ABCA13: variants seen among roughly 807,000 people sequenced by gnomAD.
ABCA13 encodes the protein ATP-binding cassette sub-family A member 13.
In ABCA13, 476 loss-of-function variants were observed where a neutral mutation model predicts 478.7. The observed-to-expected ratio is 0.99, with a 90% CI of 0.92 to 1.07. The LOEUF is 1.07. ABCA13 is among the 50% of genes least tolerant of loss of function. The pLI is 0.00. For missense variants in ABCA13, 6,060 were observed against 5,910.6 expected (o/e 1.03, Z -0.83); for synonymous variants, 2,252 against 2,158.9 (o/e 1.04, Z -1.20).
chr7:48,449,371 C>G (rs1301476434), intron 42 of ABCA13, among the ~76,000 whole-genome samples: 1 of 151,586 alleles, frequency 6.6e-6, no homozygotes, highest in Non-Finnish European at 1.5e-5. Context: ...TTTATTGGCT[C>G]TCTACTTGGG....
chr7:48,307,549 C>T (rs1028556910), intron 23 of ABCA13, among the ~76,000 whole-genome samples: 1 of 152,012 alleles, frequency 6.6e-6, no homozygotes, highest in African/African-American at 2.4e-5. Flanking sequence ...ATGTGCAGGC[C>T]TAGGACATGC....
chr7:48,412,636 C>G (rs1196268363), intron 41 of ABCA13, 53 bp downstream of exon 41: 3 of 1,452,328 alleles, frequency 2.1e-6, no homozygotes, highest in Admixed American at 4.2e-5. Context: ...TTGACCAGTC[C>G]ACATTAAATG....
At chr7:48,312,010 A>C (rs1801851240) in intron 24 of ABCA13, among the ~76,000 whole-genome samples, 1 of 152,194 alleles carries the variant, frequency 6.6e-6, no homozygotes, top group Non-Finnish European at 1.5e-5. Context: ...TGCAATTAGA[A>C]AGATGAGTAG....
rs575677789 is a variant in ABCA13, at chr7:48,351,246, T to C, written c.10381+427T>C. 2.7e-4 allele frequency among the ~76,000 whole-genome samples: 41 copies of C among 152,394 alleles called. 1 individual carries two copies. Among genetic ancestry groups the C allele is most frequent in the African/African-American group, 8.9e-4 (37 of 41,600 alleles). The stretch of plus-strand genomic sequence containing the variant: ...GGGCGGAGAGCAGGCAATGGCCAAC[T>C]CTGCTCCATTATTTAATTGTTCACC... On this transcript the variant is annotated intron_variant, in intron 30 of 61. Coordinates refer to ENST00000435803, the MANE Select transcript of ABCA13 (RefSeq NM_152701.5).
At chr7:48,287,058 C>T (rs990330624) in intron 19 of ABCA13, among the ~76,000 whole-genome samples, 1 of 151,866 alleles carries the variant, frequency 6.6e-6, no homozygotes, top group Non-Finnish European at 1.5e-5. Flanking sequence ...GGTGAGCACA[C>T]AGGCATCTGC....
chr7:48,276,117 A>C lies in ABCA13; in HGVS notation c.6451A>C (p.Asn2151His), dbSNP rs749966963. The C allele has an allele frequency of 2.5e-6, 4 of 1,598,280 alleles. No individual in the cohort carries two copies. ...AGAAACATTATTCATTCCTGTGACC[A>C]ATGAGAGTTCAACTGAAGATATAGC... ...MIETLFIPVT[N>H]ESSTEDIALL... The change falls in exon 17 of 62, where the codon AAT becomes CAT. Residue 2151 changes from asparagine to histidine, a missense_variant. This residue lies in a region of ABCA13 where 4,423 missense variants were observed against 4,309.1 expected (regional missense o/e 1.03). Coordinates refer to ENST00000435803, the MANE Select transcript of ABCA13 (RefSeq NM_152701.5).
At chr7:48,428,461 G>T (rs533604421) in intron 42 of ABCA13, among the ~76,000 whole-genome samples, 193 of 152,264 alleles carry the variant, frequency 1.3e-3, no homozygotes, top group Non-Finnish European at 1.2e-3. Flanking sequence ...ACTCAGCAAG[G>T]ATCCCTGAGC....
chr7:48,394,509 C>A (rs527584272), intron 38 of ABCA13, among the ~76,000 whole-genome samples: 1 of 152,294 alleles, frequency 6.6e-6, no homozygotes, highest in African/African-American at 2.4e-5. Flanking sequence ...TCCTGAGTCC[C>A]CTCTATTTCT....
intron 59 of ABCA13, among the ~76,000 whole-genome samples, chr7:48,617,176 T>G (rs1368518770): frequency 6.6e-6 from 1 of 152,176 alleles, no homozygotes; most frequent in Admixed American, 6.5e-5. Context: ...TAACAATAAC[T>G]AGATTTTTCA....
At chr7:48,481,752 C>T (rs942365611) in intron 46 of ABCA13, among the ~76,000 whole-genome samples, 7 of 151,910 alleles carry the variant, frequency 4.6e-5, no homozygotes, top group African/African-American at 1.7e-4. Flanking sequence ...AGGTGATCCT[C>T]CCGCCTCAGG....
chr7:48,186,450 A>G (rs1187358493), intron 1 of ABCA13, among the ~76,000 whole-genome samples: 1 of 152,038 alleles, frequency 6.6e-6, no homozygotes, highest in Non-Finnish European at 1.5e-5. Flanking sequence ...TCTTGAATTG[A>G]TATTGAGATA....
chr7:48,321,570 T>C (rs1450108064), intron 27 of ABCA13, among the ~76,000 whole-genome samples: 4 of 152,158 alleles, frequency 2.6e-5, no homozygotes, highest in African/African-American at 7.2e-5. Context: ...AGAGGAAGGA[T>C]ACCTGAATTA....
chr7:48,402,199 A>G (rs572338916), intron 38 of ABCA13, among the ~76,000 whole-genome samples: 1 of 152,330 alleles, frequency 6.6e-6, no homozygotes, highest in South Asian at 2.1e-4. Context: ...CCAATGGAAG[A>G]AATGAAGAAG....
At chr7:48,187,240 T>TGATTTTCTTCTC (rs1796483414) in intron 1 of ABCA13, among the ~76,000 whole-genome samples, 1 of 150,790 alleles carries the variant, frequency 6.6e-6, no homozygotes, top group African/African-American at 2.4e-5. Context: ...AAGGCCAGAC[T>TGATTTTCTTCTC]GATTTTCTTC....
At position 48,303,379 on chromosome 7, in the gene ABCA13, C is replaced by A. The variant is rs564818892; in HGVS notation, c.9321+4892C>A. Among the ~76,000 whole-genome samples, 10 of 152,252 alleles carry A rather than the reference C, an allele frequency of 6.6e-5. 1 individual carries two copies. In the South Asian group the frequency reaches 1.9e-3, roughly 28 times the overall value. ...TCAATTTTTGCTTTTCTTGAGTTTGCTTCTGGCATCTTCATCATGAAGTCT... is the reference window on the plus strand; with the variant it reads ...TCAATTTTTGCTTTTCTTGAGTTTGATTCTGGCATCTTCATCATGAAGTCT... On this transcript the variant is annotated intron_variant, in intron 23 of 61. Transcript: ENST00000435803.
chr7:48,541,952 A>T (rs1315827778), intron 55 of ABCA13, among the ~76,000 whole-genome samples: 1 of 151,412 alleles, frequency 6.6e-6, no homozygotes, highest in African/African-American at 2.4e-5. Flanking sequence ...GAAATTAAAA[A>T]TAATGGCCAT....
rs771287120 is a variant in ABCA13, at chr7:48,276,060, G to T, written c.6394G>T (p.Glu2132Ter). The T allele has an allele frequency of 3.1e-6, 5 of 1,606,576 alleles. No individual in the cohort carries two copies. Among genetic ancestry groups the T allele is most frequent in the Non-Finnish European group, 4.3e-6 (5 of 1,176,156 alleles). ...FLLVTKNWLQ[E>*]YANEDYSRMI... ...ATTGGTCACAAAAAACTGGCTTCAG[G>T]AATATGCAAATGAGGATTACTCCAG... is the stretch of plus-strand genomic sequence containing the variant. The change falls in exon 17 of 62, where the codon GAA (glutamate) becomes TAA (stop). Residue 2132 changes from glutamate to a stop codon, truncating the protein, a stop_gained. Transcript: ENST00000435803. LOFTEE classifies it high-confidence loss of function.
intron 56 of ABCA13, among the ~76,000 whole-genome samples, chr7:48,584,609 C>T (rs946918966): frequency 6.6e-6 from 1 of 152,136 alleles, no homozygotes; most frequent in African/African-American, 2.4e-5. Flanking sequence ...CTGCCTTGTG[C>T]ACTGAGCTTC....
rs962311517 is a variant in ABCA13, at chr7:48,643,292, G to A, written c.14842G>A (p.Gly4948Ser). The A allele has an allele frequency of 6.3e-7, 1 of 1,596,776 alleles. No homozygotes were observed. The highest frequency in any genetic ancestry group is 1.7e-5 in the Admixed American group (1 of 58,080). ...GSPQHIKNRF[G>S]DGYTVKVWLC... ...TCTATTTTATTTAACTCTCAGGTTT[G>A]GTGATGGTTATACAGTCAAAGTTTG... The change falls in exon 60 of 62, where the codon GGT (glycine) becomes AGT (serine). Residue 4948 changes from glycine (G) to serine (S), a missense_variant. Transcript: ENST00000435803.
Sources: allele counts gnomAD v4.1 joint callset (sites outside exome capture counted in the v4.1 genomes callset), GRCh38; gene constraint gnomAD v4.1.1; regional missense constraint gnomAD v4.1.1; transcripts MANE v1.5; gene names NCBI Gene and HGNC (gene_info 2026-07-23, HGNC 2026-07-21).